Variants in SNX31 observed in about 807,000 individuals in gnomAD.
SNX31 encodes the protein sorting nexin-31.
Under a neutral mutation model 65.4 loss-of-function variants are expected in SNX31, and 58 were observed. The ratio of observed to expected loss-of-function variants is 0.89; its 90% CI spans 0.72 to 1.10. The LOEUF (loss-of-function observed/expected upper bound fraction) is 1.10, where lower values mean the gene tolerates loss of function less well. Ranked by LOEUF, SNX31 falls within the 50% of genes least tolerant of loss-of-function variation. The pLI is 0.00. For synonymous variants in SNX31, 181 were observed against 190.1 expected, an observed-to-expected ratio of 0.95 and a Z score of 0.39; for missense variants, 523 against 529.7, an observed-to-expected ratio of 0.99 and a Z score of 0.12.
rs1157788796 is a variant in SNX31, at chr8:100,626,475, T to C, written c.321+3852A>G. On this transcript the variant is annotated intron_variant, in intron 4 of 13. Coordinates refer to ENST00000311812, the MANE Select transcript of SNX31 (RefSeq NM_152628.4). This position sits in a 1 kb window ranked among gnomAD's most constrained non-coding sequence, Gnocchi z 4.4. The stretch of plus-strand genomic sequence containing the variant: ...GATCATGATATGAGGAGCTGGGGTT[T>C]AAAGCTTTGCTGCTAGACAGTCTGA... 1.3e-5 allele frequency among the ~76,000 whole-genome samples: 2 copies of C among 152,202 alleles called. No individual in the cohort carries two copies. The highest frequency in any genetic ancestry group is 3.8e-4 in the East Asian group (2 of 5,198).
chr8:100,651,521 G>A (rs1183219413), upstream of SNX31, among the ~76,000 whole-genome samples: 3 of 152,200 alleles, frequency 2.0e-5, no homozygotes, highest in Non-Finnish European at 4.4e-5. Context: ...GAGTTGAACT[G>A]GAACAGGACA....
chr8:100,600,197 C>T (rs902052684), intron 9 of SNX31, 152 bp downstream of exon 9: 1 of 644,956 alleles, frequency 1.6e-6, no homozygotes, highest in Non-Finnish European at 2.7e-6. Flanking sequence ...TAATTCTGTA[C>T]TCAGAACAAT....
At chr8:100,649,114 C>A (rs1441140855) in intron 2 of SNX31, among the ~76,000 whole-genome samples, 160 bp downstream of exon 2, 2 of 152,224 alleles carry the variant, frequency 1.3e-5, no homozygotes, top group Non-Finnish European at 2.9e-5. Flanking sequence ...GTATGCCAAG[C>A]AATTCAGTTC....
chr8:100,649,635 C>G lies in SNX31; in HGVS notation c.-121G>C. The G allele has an allele frequency of 2.1e-6, 2 of 963,294 alleles. No homozygotes were observed. The highest frequency in any genetic ancestry group is 3.7e-5 in the South Asian group (2 of 54,640). The allele number at this position is 963,294 out of a possible 1,614,324, so 59.7% of individuals were successfully genotyped here. A position where few individuals can be genotyped will look rare whatever the true frequency, so the allele number is the denominator to read the frequency against. On this transcript the variant is annotated 5_prime_UTR_variant, in exon 1 of 14. Coordinates refer to ENST00000311812, the MANE Select transcript of SNX31 (RefSeq NM_152628.4). The stretch of plus-strand genomic sequence containing the variant: ...CTGCCACGCGACTCAGAGCGAACCC[C>G]GGCGCCCGCTCTCGCCGGCCGGGGA...
upstream of SNX31, among the ~76,000 whole-genome samples, chr8:100,654,660 T>C (rs2131312649): frequency 6.6e-6 from 1 of 152,298 alleles, no homozygotes; most frequent in East Asian, 1.9e-4. Context: ...ACACGTCCCT[T>C]TCAGGGCCTC....
intron 8 of SNX31, among the ~76,000 whole-genome samples, chr8:100,605,445 G>A (rs1403979433): frequency 6.6e-6 from 1 of 152,122 alleles, no homozygotes; most frequent in Non-Finnish European, 1.5e-5. Context: ...TGATGATGAT[G>A]ATGATGATAA....
At chr8:100,646,920 T>C (rs1400969845) in intron 2 of SNX31, among the ~76,000 whole-genome samples, 1 of 152,224 alleles carries the variant, frequency 6.6e-6, no homozygotes, top group Non-Finnish European at 1.5e-5. Context: ...AGAAATCAAG[T>C]CCTGCCTCCA....
chr8:100,610,517 G>C lies in SNX31; in HGVS notation c.611+1483C>G, dbSNP rs1816617867. Among the ~76,000 whole-genome samples, 1 of 152,102 alleles carries C rather than the reference G, an allele frequency of 6.6e-6. No individual in the cohort carries two copies. Among genetic ancestry groups the C allele is most frequent in the African/African-American group, 2.4e-5 (1 of 41,412 alleles). On this transcript the variant is annotated intron_variant, in intron 7 of 13. Coordinates refer to ENST00000311812, the MANE Select transcript of SNX31 (RefSeq NM_152628.4). This position sits in a 1 kb window ranked among gnomAD's most constrained non-coding sequence, Gnocchi z 4.0. ...CTATTTTTATTATTCCCATTTTACA[G>C]ATAAAGAAACTGAGGCTTAGAGAGC...
At chr8:100,641,625 C>CATATATATATATATATAT (rs368399829) in intron 2 of SNX31, among the ~76,000 whole-genome samples, 4 of 48,834 alleles carry the variant, frequency 8.2e-5, no homozygotes, top group Admixed American at 3.0e-4. Context: ...CACACACGCG[C>CATATATATATATATATAT]ATATATATAT....
chr8:100,610,358 ATT>A lies in SNX31; in HGVS notation c.611+1640_611+1641del, dbSNP rs5893526. 0.38 allele frequency among the ~76,000 whole-genome samples: 54,413 copies of A among 144,052 alleles called. 10,077 individuals are homozygous for A. The highest frequency in any genetic ancestry group is 0.44 in the African/African-American group (17,314 of 39,418). 94.5% of individuals were successfully genotyped at this position (144,052 alleles called of 152,430 possible). ...ATGAGTGAAAATCTAAGCCCCAAAGATTTTTTTTTTTTTTTTGCTTCCTATAA... is the reference window on the plus strand; with the variant it reads ...ATGAGTGAAAATCTAAGCCCCAAAGATTTTTTTTTTTTTTGCTTCCTATAA... On this transcript the variant is annotated intron_variant, in intron 7 of 13. Coordinates refer to ENST00000311812, the MANE Select transcript of SNX31 (RefSeq NM_152628.4). This position sits in a 1 kb window ranked among gnomAD's most constrained non-coding sequence, Gnocchi z 4.0.
chr8:100,624,717 C>T (rs77619247), intron 4 of SNX31, among the ~76,000 whole-genome samples: 2 of 152,016 alleles, frequency 1.3e-5, no homozygotes, highest in East Asian at 1.9e-4. Flanking sequence ...GAAATGTAAA[C>T]GCAATACAAA....
Position 100,608,559 on chromosome 8 carries a change from T to C in SNX31, c.616A>G (p.Met206Val), listed in dbSNP as rs766934004. ...AGCACGGAGTCGAGGGATGGAGCCA[T>C]ATACCTGCAAAATTCAGGAGTGTGA... ...NCKVGLRKWY[M>V]APSLDSVLMD... Residue 206 changes from methionine (M) to valine (V), a missense_variant, in exon 8 of 14, where the codon ATG (methionine) becomes GTG (valine). By Grantham distance (21) the Met-to-Val change is conservative. Transcript: ENST00000311812. The C allele has an allele frequency of 8.1e-6, 13 of 1,613,886 alleles. No homozygotes were observed. In the East Asian group the frequency reaches 1.6e-4, roughly 19 times the overall value.
intron 7 of SNX31, among the ~76,000 whole-genome samples, chr8:100,611,453 C>A (rs376354567): frequency 1.7e-4 from 26 of 152,286 alleles, no homozygotes; most frequent in African/African-American, 6.0e-4. Context: ...TACCCCACCC[C>A]GCCCTGAGTA....
intron 8 of SNX31, among the ~76,000 whole-genome samples, chr8:100,606,070 A>G (rs1042424814): frequency 6.6e-6 from 1 of 151,584 alleles, no homozygotes; most frequent in Admixed American, 6.6e-5. Flanking sequence ...GGTTCTTGGT[A>G]TGTTGCCCAG....
chr8:100,632,278 A>G (rs993621753), intron 3 of SNX31, among the ~76,000 whole-genome samples: 1 of 152,224 alleles, frequency 6.6e-6, no homozygotes, highest in Non-Finnish European at 1.5e-5. Flanking sequence ...CAGGTATTAA[A>G]GGAACATTTT....
intron 2 of SNX31, among the ~76,000 whole-genome samples, chr8:100,646,445 C>G (rs896460903): frequency 6.6e-6 from 1 of 152,170 alleles, no homozygotes; most frequent in African/African-American, 2.4e-5. Flanking sequence ...TTAAAGGTGT[C>G]AGACTCTCTG....
chr8:100,639,131 A>G (rs1225175261), intron 2 of SNX31, among the ~76,000 whole-genome samples: 3 of 152,250 alleles, frequency 2.0e-5, no homozygotes, highest in Non-Finnish European at 4.4e-5. Flanking sequence ...TTGTGGATGC[A>G]TGACACTATG....
rs1327397797 is a variant in SNX31 at position 100,575,746 on chromosome 8, G to A, written c.1227+1273C>T. Among the ~76,000 whole-genome samples the A allele has an allele frequency of 6.6e-6, 1 of 152,206 alleles. No homozygotes were observed. Among genetic ancestry groups the A allele is most frequent in the African/African-American group, 2.4e-5 (1 of 41,448 alleles). On this transcript the variant is annotated intron_variant, in intron 13 of 13. Transcript: ENST00000311812. The surrounding 1 kb of genome is among the most constrained non-coding windows in gnomAD (Gnocchi z 5.1). The stretch of plus-strand genomic sequence containing the variant: ...TCCAGGGACCACACACTGAGAACTG[G>A]TGTTCTAGGATAATGGTTCCAATTC...
chr8:100,648,343 A>G lies in SNX31; in HGVS notation c.141+931T>C, dbSNP rs1378731900. Among the ~76,000 whole-genome samples, 1 of 74,872 alleles carries G rather than the reference A, an allele frequency of 1.3e-5. No homozygotes were observed. The highest frequency in any genetic ancestry group is 2.7e-5 in the Non-Finnish European group (1 of 36,422). 49.1% of individuals were successfully genotyped at this position (74,872 alleles called of 152,430 possible). On this transcript the variant is annotated intron_variant, in intron 2 of 13. Coordinates refer to ENST00000311812, the MANE Select transcript of SNX31 (RefSeq NM_152628.4). This position sits in a 1 kb window ranked among gnomAD's most constrained non-coding sequence, Gnocchi z 4.3. ...TACACTTTTTTTTTTTTTTTTTTTA[A>G]TAGAGACAAGGTCTCGGCTATGTTG...
Sources: gnomAD v4.1 joint callset for allele counts (sites outside exome capture counted in the v4.1 genomes callset) on GRCh38, gnomAD v4.1.1 for gene constraint, Gnocchi (gnomAD v3.1) non-coding constraint, MANE v1.5 for transcripts, NCBI Gene and HGNC (gene_info 2026-07-23, HGNC 2026-07-21) for gene names.